ELOVL2: variants seen among roughly 807,000 people sequenced by gnomAD.
ELOVL2 encodes the protein very long chain fatty acid elongase 2.
Under a neutral mutation model 37.7 loss-of-function variants are expected in ELOVL2, and 38 were observed. The ratio of observed to expected loss-of-function variants is 1.01; its 90% CI spans 0.78 to 1.32. The LOEUF is 1.32. Among genes scored for constraint, ELOVL2 ranks in the 40% most tolerant of loss-of-function variants. ELOVL2 has a pLI of 0.00. For synonymous variants in ELOVL2, 115 were observed against 122.3 expected, an observed-to-expected ratio of 0.94 and a Z score of 0.40; for missense variants, 352 against 363.6, an observed-to-expected ratio of 0.97 and a Z score of 0.26.
intron 2 of ELOVL2, among the ~76,000 whole-genome samples, chr6:11,010,306 G>A (rs1782553470): frequency 6.6e-6 from 1 of 152,158 alleles, no homozygotes; most frequent in African/African-American, 2.4e-5. Flanking sequence ...ACAGGCATGA[G>A]CCTCCACACC....
At position 10,989,784 on chromosome 6, in the gene ELOVL2, A is replaced by C. The variant is rs1782115716; in HGVS notation, c.684T>G (p.Cys228Trp). 1 of 1,614,092 alleles carries C rather than the reference A, an allele frequency of 6.2e-7. No homozygotes were observed. Reference protein sequence around the residue: ...THTMSAVVKPCGFPFGCLIFQ... With the variant: ...THTMSAVVKPWGFPFGCLIFQ... The stretch of plus-strand genomic sequence containing the variant: ...AGATGAGACAACCGAAGGGGAAGCC[A>C]CACGGTTTCACGACGGCGCTCATGG... The change falls in exon 7 of 8, where the codon TGT becomes TGG. Residue 228 changes from cysteine to tryptophan, a missense_variant. Transcript: ENST00000354666.
rs1208566580 is a variant in ELOVL2 at position 10,982,005 on chromosome 6, T to C, written c.*1776A>G. ...ACAAGACAGAACAGTTATAAGGTGA[T>C]GCAAGATGGAAGTGGTGATGAAGCA... On this transcript the variant is annotated 3_prime_UTR_variant, in exon 8 of 8. Coordinates refer to ENST00000354666, the MANE Select transcript of ELOVL2 (RefSeq NM_017770.4). 4 of 152,204 alleles carry C rather than the reference T, an allele frequency of 2.6e-5. No individual in the cohort carries two copies. The allele number at this position is 152,204 out of a possible 1,614,324, so 9.4% of individuals were successfully genotyped here.
chr6:11,040,716 A>G (rs527423898), intron 1 of ELOVL2, among the ~76,000 whole-genome samples: 2 of 152,226 alleles, frequency 1.3e-5, no homozygotes, highest in African/African-American at 4.8e-5. Context: ...AAGAACACAC[A>G]TCATTATAAT....
Position 11,003,853 on chromosome 6 carries a change from G to A in ELOVL2, c.255+1519C>T, listed in dbSNP as rs193099966. ...TCCCAGCACTCTGGGAGGCCGAGGC[G>A]GGTGGATCACCTGAGGTCAGGAGTT... is the stretch of plus-strand genomic sequence containing the variant. On this transcript the variant is annotated intron_variant, in intron 3 of 7. Coordinates refer to ENST00000354666, the MANE Select transcript of ELOVL2 (RefSeq NM_017770.4). 1.5e-3 allele frequency among the ~76,000 whole-genome samples: 227 copies of A among 152,108 alleles called. 1 individual carries two copies. Among genetic ancestry groups the A allele is most frequent in the Middle Eastern group, 3.4e-3 (1 of 294 alleles).
chr6:10,989,101 A>G (rs760162913), intron 7 of ELOVL2, among the ~76,000 whole-genome samples: 1 of 152,244 alleles, frequency 6.6e-6, no homozygotes, highest in Admixed American at 6.5e-5. Flanking sequence ...GTAGCATGGT[A>G]CAAATACATA....
At chr6:11,014,340 G>A (rs1236360119) in intron 1 of ELOVL2, among the ~76,000 whole-genome samples, 1 of 151,734 alleles carries the variant, frequency 6.6e-6, no homozygotes, top group African/African-American at 2.4e-5. Flanking sequence ...TTGGCCGGGC[G>A]TGGTGGTGCA....
chr6:11,042,204 T>G (rs1010387964), intron 1 of ELOVL2, among the ~76,000 whole-genome samples: 3 of 151,980 alleles, frequency 2.0e-5, no homozygotes, highest in African/African-American at 7.3e-5. Flanking sequence ...TCCCAGCTAC[T>G]CAGGAGGCTG....
chr6:11,010,661 C>A, intron 2 of ELOVL2, 85 bp downstream of exon 2: 1 of 1,094,272 alleles, frequency 9.1e-7, no homozygotes, highest in Non-Finnish European at 1.4e-6. Flanking sequence ...TTCCAAGACA[C>A]CAGAAATAAC....
intron 1 of ELOVL2, among the ~76,000 whole-genome samples, chr6:11,014,651 G>A (rs1175545348): frequency 5.3e-5 from 8 of 151,340 alleles, no homozygotes; most frequent in Non-Finnish European, 1.2e-4. Context: ...TTTGCCTTAT[G>A]TGTATACTAT....
At chr6:10,987,197 C>T (rs1432924929) in intron 7 of ELOVL2, among the ~76,000 whole-genome samples, 1 of 151,992 alleles carries the variant, frequency 6.6e-6, no homozygotes, top group African/African-American at 2.4e-5. Context: ...GTGGTGATAT[C>T]CCTTTATCAT....
chr6:10,990,915 A>C (rs1782147975), intron 5 of ELOVL2, among the ~76,000 whole-genome samples: 1 of 152,200 alleles, frequency 6.6e-6, no homozygotes, highest in African/African-American at 2.4e-5. Context: ...TAATTAAGTA[A>C]ATAAATTCTG....
chr6:11,013,100 C>T (rs1242403520), intron 1 of ELOVL2, among the ~76,000 whole-genome samples: 1 of 152,170 alleles, frequency 6.6e-6, no homozygotes, highest in African/African-American at 2.4e-5. Context: ...ATAGATAAAA[C>T]ACATTGAGGC....
In ELOVL2 at chr6:11,010,816, A is replaced by G. The variant is rs1044344253; in HGVS notation, c.4-7T>C. The stretch of plus-strand genomic sequence containing the variant: ...CAAAGGCCTTTAGATGTTCCTAAAA[A>G]GAGAAAGAAAAAATGATTTAAGTGT... On this transcript the variant is annotated splice_region_variant and splice_polypyrimidine_tract_variant and intron_variant, in intron 1 of 7. Transcript: ENST00000354666. 1.1e-5 allele frequency: 18 copies of G among 1,599,678 alleles called. No homozygotes were observed. The African/African-American group carries it at 2.3e-4, about 20-fold the overall frequency.
chr6:11,017,731 C>T (rs1782705933), intron 1 of ELOVL2, among the ~76,000 whole-genome samples: 1 of 152,176 alleles, frequency 6.6e-6, no homozygotes, highest in Admixed American at 6.5e-5. Context: ...CAGTCATTCA[C>T]CATCGCCTGA....
Position 10,982,285 on chromosome 6 carries a change from C to T in ELOVL2, c.*1496G>A, listed in dbSNP as rs1245562898. ...CAGGAGAAAGTTTAAAACTAGAGCT[C>T]AGGGGGGAAAAAAAGCCGAGAGAGA... On this transcript the variant is annotated 3_prime_UTR_variant, in exon 8 of 8. Coordinates refer to ENST00000354666, the MANE Select transcript of ELOVL2 (RefSeq NM_017770.4). 1.3e-5 allele frequency: 2 copies of T among 151,760 alleles called. No individual in the cohort carries two copies. Among genetic ancestry groups the T allele is most frequent in the African/African-American group, 4.8e-5 (2 of 41,274 alleles). The allele number at this position is 151,760 out of a possible 1,614,324, so 9.4% of individuals were successfully genotyped here.
At chr6:10,984,018 T>C (rs1781994297) in intron 7 of ELOVL2, 112 bp from the exon 8 acceptor site, 1 of 1,082,636 alleles carries the variant, frequency 9.2e-7, no homozygotes, top group East Asian at 2.6e-5. Flanking sequence ...GCGCAGGATT[T>C]TCTGTTTTTG....
rs1372042711 is a variant in ELOVL2 at position 11,042,881 on chromosome 6, G to A, written c.3+1347C>T. ...TTATCAAGTACCTACTGTGCGCCAGGCACTGCTGTAGGTACTAGAAATCTA... is the reference window on the plus strand; with the variant it reads ...TTATCAAGTACCTACTGTGCGCCAGACACTGCTGTAGGTACTAGAAATCTA... On this transcript the variant is annotated intron_variant, in intron 1 of 7. Coordinates refer to ENST00000354666, the MANE Select transcript of ELOVL2 (RefSeq NM_017770.4). 3.9e-5 allele frequency among the ~76,000 whole-genome samples: 6 copies of A among 152,122 alleles called. No homozygotes were observed. In the East Asian group the frequency reaches 1.2e-3, roughly 29 times the overall value.
At chr6:11,018,366 C>T (rs571703708) in intron 1 of ELOVL2, among the ~76,000 whole-genome samples, 1 of 152,226 alleles carries the variant, frequency 6.6e-6, no homozygotes, top group African/African-American at 2.4e-5. Flanking sequence ...AAGGACAATG[C>T]AAGAGTCAAA....
At chr6:11,000,037 T>G in intron 4 of ELOVL2, 50 bp downstream of exon 4, 1 of 1,553,202 alleles carries the variant, frequency 6.4e-7, no homozygotes, top group Non-Finnish European at 8.9e-7. Flanking sequence ...CCTCCTCTCC[T>G]TGTCAATGGG....
Sources: gnomAD v4.1 joint callset for allele counts (sites outside exome capture counted in the v4.1 genomes callset) on GRCh38, gnomAD v4.1.1 for gene constraint, MANE v1.5 for transcripts, NCBI Gene and HGNC (gene_info 2026-07-23, HGNC 2026-07-21) for gene names.